ANO1: variants seen among roughly 807,000 people sequenced by gnomAD.
ANO1 encodes anoctamin-1.
In ANO1, 59 loss-of-function variants were observed where a neutral mutation model predicts 124.0. The ratio of observed to expected loss-of-function variants is 0.48; its 90% CI spans 0.39 to 0.59. ANO1 has a LOEUF of 0.59. Ranked by LOEUF, ANO1 falls within the 20% of genes least tolerant of loss-of-function variation. The pLI is 0.00. For missense variants in ANO1, 1,059 were observed against 1,328.0 expected (o/e 0.80, Z 3.15); for synonymous variants, 529 against 532.0 (o/e 0.99, Z 0.08).
intron 1 of ANO1, among the ~76,000 whole-genome samples, chr11:70,070,841 G>A (rs949848558): frequency 9.2e-5 from 14 of 152,184 alleles, no homozygotes; most frequent in African/African-American, 3.4e-4. Context: ...GAAGGGGCCT[G>A]AGCATCTCCT....
intron 24 of ANO1, among the ~76,000 whole-genome samples, chr11:70,183,900 G>T (rs2049016515): frequency 6.6e-6 from 1 of 152,254 alleles, no homozygotes; most frequent in South Asian, 2.1e-4. Flanking sequence ...GTCAATAAAT[G>T]CTTGTGACAT....
Position 70,188,686 on chromosome 11 carries a change from G to GCTCC in ANO1, c.*684_*687dup, listed in dbSNP as rs1052482172. The GCTCC allele has an allele frequency of 1.3e-5, 2 of 152,180 alleles. No homozygotes were observed. The highest frequency in any genetic ancestry group is 6.5e-5 in the Admixed American group (1 of 15,268). 9.4% of individuals were successfully genotyped at this position (152,180 alleles called of 1,614,324 possible). On this transcript the variant is annotated 3_prime_UTR_variant, in exon 26 of 26. Transcript: ENST00000355303. The stretch of plus-strand genomic sequence containing the variant: ...ACAGCACCCTTGGCGTCCCCAGCAG[G>GCTCC]CTCCCCACTGTCAGCCACACACCTG...
chr11:70,078,471 C>T lies in ANO1; in HGVS notation c.-136C>T. The stretch of plus-strand genomic sequence containing the variant: ...GCGGAGCGGGAGGCGGCCACGTCCC[C>T]GGCGGGCCTGGGCGCGGGGAGGCCC... On this transcript the variant is annotated 5_prime_UTR_variant, in exon 1 of 26. Transcript: ENST00000355303. 4.4e-6 allele frequency: 1 copy of T among 229,126 alleles called. No individual in the cohort carries two copies. Among genetic ancestry groups the T allele is most frequent in the Non-Finnish European group, 7.2e-6 (1 of 139,398 alleles). 14.2% of individuals were successfully genotyped at this position (229,126 alleles called of 1,614,324 possible). A position where few individuals can be genotyped will look rare whatever the true frequency, so the allele number is the denominator to read the frequency against.
intron 1 of ANO1, among the ~76,000 whole-genome samples, chr11:70,014,320 C>T (rs1591034782): frequency 3.3e-5 from 5 of 150,218 alleles, no homozygotes; most frequent in Admixed American, 3.3e-4. Flanking sequence ...CACCCCACTC[C>T]CCGCCCCTGA....
intron 11 of ANO1, among the ~76,000 whole-genome samples, chr11:70,144,767 A>G (rs150932625): frequency 2.6e-5 from 4 of 152,072 alleles, no homozygotes; most frequent in African/African-American, 9.6e-5. Context: ...TTCATTGTAC[A>G]CTCATGTGGG....
upstream of ANO1, among the ~76,000 whole-genome samples, chr11:69,985,719 G>T (rs1856026227): frequency 6.6e-6 from 1 of 152,174 alleles, no homozygotes; most frequent in Non-Finnish European, 1.5e-5. Context: ...CCCGCGCAGC[G>T]GGAGGCCGGG....
intron 13 of ANO1, 63 bp from the exon 14 acceptor site, chr11:70,152,994 C>T (rs2047664779): frequency 1.4e-6 from 2 of 1,456,622 alleles, no homozygotes; most frequent in Non-Finnish European, 9.4e-7. Context: ...CAAGTATGCT[C>T]ACGCTGAGGA....
the ANO1 span, among the ~76,000 whole-genome samples, chr11:69,975,022 G>A: frequency 6.6e-6 from 1 of 152,240 alleles, no homozygotes; most frequent in East Asian, 1.9e-4. Context: ...CAGCCTGGGA[G>A]GGGCTGGAGC....
chr11:70,035,216 G>A (rs1205368867), intron 1 of ANO1, among the ~76,000 whole-genome samples: 2 of 152,156 alleles, frequency 1.3e-5, no homozygotes, highest in East Asian at 3.9e-4. Context: ...ACCAGGGCTA[G>A]TGTCAGGTCC....
At chr11:70,037,216 G>A (rs538497409) in intron 1 of ANO1, among the ~76,000 whole-genome samples, 1 of 152,204 alleles carries the variant, frequency 6.6e-6, no homozygotes, top group Non-Finnish European at 1.5e-5. Flanking sequence ...TCCTGATTGA[G>A]ATTTGCAGGC....
chr11:70,060,702 G>A (rs753137530), intron 1 of ANO1, among the ~76,000 whole-genome samples: 15 of 152,260 alleles, frequency 9.9e-5, no homozygotes, highest in African/African-American at 1.4e-4. Flanking sequence ...GTATTAAAGC[G>A]GCAGCTGCCA....
At chr11:70,083,739 TTC>T (rs761414119) in intron 1 of ANO1, among the ~76,000 whole-genome samples, 67 of 152,278 alleles carry the variant, frequency 4.4e-4, no homozygotes, top group Non-Finnish European at 7.2e-4. Context: ...CCCAACCAGG[TTC>T]TCAGTCCCTG....
chr11:70,085,920 G>A (rs909256582), intron 1 of ANO1, among the ~76,000 whole-genome samples: 1 of 152,248 alleles, frequency 6.6e-6, no homozygotes, highest in African/African-American at 2.4e-5. Context: ...GAGCCATGGT[G>A]CAGCCGGAAG....
rs761404962 is a variant in ANO1, at chr11:70,103,198, G to A, written c.540+34G>A. The A allele has an allele frequency of 4.5e-5, 70 of 1,558,130 alleles. 1 individual carries two copies. The South Asian group carries it at 6.8e-4, about 15-fold the overall frequency. ...TGATGGTCCTGCTCCGAAATGAATC[G>A]CCAAGTCTAGAGGTCACTTGGACGC... On this transcript the variant is annotated intron_variant, in intron 3 of 25. Transcript: ENST00000355303.
chr11:70,167,177 T>A lies in ANO1; in HGVS notation c.2052-65T>A, dbSNP rs1000413265. The A allele has an allele frequency of 1.0e-5, 16 of 1,578,160 alleles. No homozygotes were observed. The African/African-American group carries it at 2.2e-4, about 21-fold the overall frequency. On this transcript the variant is annotated intron_variant, in intron 20 of 25. Transcript: ENST00000355303. The stretch of plus-strand genomic sequence containing the variant: ...AGAAAAAAAGACACATCACTAGAGG[T>A]GCCAGACCCAAGCCCCCAAATTCAC...
chr11:69,989,438 C>T (rs993214288), intron 1 of ANO1, among the ~76,000 whole-genome samples: 2 of 151,332 alleles, frequency 1.3e-5, no homozygotes, highest in Admixed American at 1.3e-4. Context: ...AGCCCCAGCA[C>T]GTGCGTCTTC....
At chr11:70,180,128 G>A (rs980116295) in intron 23 of ANO1, 72 bp downstream of exon 23, 31 of 1,410,680 alleles carry the variant, frequency 2.2e-5, no homozygotes, top group Non-Finnish European at 3.0e-5. Flanking sequence ...GCCCTGTGGA[G>A]AAGGAGCTGG....
chr11:70,184,043 C>G (rs1197688952), intron 24 of ANO1, among the ~76,000 whole-genome samples: 1 of 152,202 alleles, frequency 6.6e-6, no homozygotes, highest in African/African-American at 2.4e-5. Flanking sequence ...GCCTGCAAAT[C>G]CAGGTGGCCC....
At chr11:70,032,539 G>C (rs1298640819) in intron 1 of ANO1, among the ~76,000 whole-genome samples, 1 of 151,490 alleles carries the variant, frequency 6.6e-6, no homozygotes, top group Non-Finnish European at 1.5e-5. Flanking sequence ...CGGGAGAGGG[G>C]GGGGGTCTCT....
Sources: allele counts gnomAD v4.1 joint callset (sites outside exome capture counted in the v4.1 genomes callset), GRCh38; gene constraint gnomAD v4.1.1; transcripts MANE v1.5; gene names NCBI Gene and HGNC (gene_info 2026-07-23, HGNC 2026-07-21).